Variants in PRKG1 observed in about 807,000 individuals in gnomAD.
The protein encoded by PRKG1 is protein kinase cGMP-dependent 1.
In PRKG1, 35 loss-of-function variants were observed where a neutral mutation model predicts 88.1. The ratio of observed to expected loss-of-function variants is 0.40; its 90% confidence interval spans 0.30 to 0.53. The LOEUF (loss-of-function observed/expected upper bound fraction) is 0.53. Ranked by LOEUF, PRKG1 falls within the 20% of genes least tolerant of loss-of-function variation. PRKG1 has a pLI of 0.59. For missense variants in PRKG1, 540 were observed against 839.8 expected, an observed-to-expected ratio of 0.64 and a Z score of 4.41; for synonymous variants, 303 against 292.5, an observed-to-expected ratio of 1.04 and a Z score of -0.37.
chr10:51,636,260 G>A (rs190210719), intron 3 of PRKG1, among the ~76,000 whole-genome samples: 1 of 152,240 alleles, frequency 6.6e-6, no homozygotes, highest in Non-Finnish European at 1.5e-5. Flanking sequence ...ACCGCCCTAG[G>A]ACTTTGGAAA....
chr10:51,945,223 C>T (rs1317669390), intron 5 of PRKG1, among the ~76,000 whole-genome samples: 1 of 147,586 alleles, frequency 6.8e-6, no homozygotes, highest in Non-Finnish European at 1.5e-5. Flanking sequence ...CCTTCTTTGT[C>T]TGTTTTGATC....
At chr10:52,062,893 C>A in intron 7 of PRKG1, 2 of 691,110 alleles carry the variant, frequency 2.9e-6, no homozygotes, top group Admixed American at 2.3e-5. Context: ...TCCTTAATTG[C>A]AATCTCTATA....
intron 9 of PRKG1, among the ~76,000 whole-genome samples, chr10:52,169,420 G>T (rs756424258): frequency 6.6e-6 from 1 of 151,998 alleles, no homozygotes; most frequent in Admixed American, 6.6e-5. Flanking sequence ...AGCTCTCTGG[G>T]GTCTCTTTTA....
chr10:51,610,464 CAT>C (rs1347950714), intron 3 of PRKG1, among the ~76,000 whole-genome samples: 3 of 152,172 alleles, frequency 2.0e-5, no homozygotes, highest in Admixed American at 6.6e-5. Context: ...TTGCAAATAA[CAT>C]AATTTTAATT....
At chr10:51,250,694 C>T (rs1839404572) in intron 2 of PRKG1, among the ~76,000 whole-genome samples, 1 of 151,804 alleles carries the variant, frequency 6.6e-6, no homozygotes, top group African/African-American at 2.4e-5. Context: ...AAAACTCCAT[C>T]TATGACAAAA....
At chr10:51,309,833 T>C (rs1013794480) in intron 2 of PRKG1, among the ~76,000 whole-genome samples, 2 of 152,162 alleles carry the variant, frequency 1.3e-5, no homozygotes, top group African/African-American at 2.4e-5. Context: ...AGCAAAGATA[T>C]GGAATCAACC....
At chr10:51,030,342 C>T (rs1406018768) in intron 1 of PRKG1, among the ~76,000 whole-genome samples, 2 of 151,952 alleles carry the variant, frequency 1.3e-5, no homozygotes, top group African/African-American at 4.8e-5. Context: ...GTCACGTTTT[C>T]ACTTGCCTGA....
intron 9 of PRKG1, among the ~76,000 whole-genome samples, chr10:52,217,377 C>T (rs1840138897): frequency 6.6e-6 from 1 of 151,510 alleles, no homozygotes; most frequent in Admixed American, 6.6e-5. Context: ...CACATATACA[C>T]ACACACACAC....
intron 1 of PRKG1, among the ~76,000 whole-genome samples, chr10:51,112,584 T>C (rs1004570988): frequency 3.3e-5 from 5 of 152,110 alleles, no homozygotes; most frequent in African/African-American, 1.2e-4. Flanking sequence ...TTTACAAAAC[T>C]ATTGTGACAT....
At chr10:52,277,484 G>A (rs1198924480) in intron 12 of PRKG1, among the ~76,000 whole-genome samples, 1 of 152,158 alleles carries the variant, frequency 6.6e-6, no homozygotes, top group East Asian at 1.9e-4. Flanking sequence ...AGCACAAGTT[G>A]TGTACCAGGC....
intron 3 of PRKG1, among the ~76,000 whole-genome samples, chr10:51,767,173 G>T (rs2132538255): frequency 6.6e-6 from 1 of 152,200 alleles, no homozygotes; most frequent in East Asian, 1.9e-4. Context: ...CCCGTTTTCT[G>T]CTTCCCCATA....
intron 2 of PRKG1, among the ~76,000 whole-genome samples, chr10:51,307,218 C>T (rs1000182884): frequency 1.1e-4 from 17 of 152,028 alleles, no homozygotes; most frequent in Non-Finnish European, 2.2e-4. Context: ...CCCTTTATAC[C>T]TCCTGTTTTC....
At chr10:51,974,395 G>A (rs888816688) in intron 5 of PRKG1, among the ~76,000 whole-genome samples, 3 of 152,162 alleles carry the variant, frequency 2.0e-5, no homozygotes, top group East Asian at 1.9e-4. Flanking sequence ...GCTGAAGAAA[G>A]GATCATCCTG....
At chr10:51,007,030 C>T (rs1033241227) in intron 1 of PRKG1, among the ~76,000 whole-genome samples, 1 of 151,512 alleles carries the variant, frequency 6.6e-6, no homozygotes, top group Non-Finnish European at 1.5e-5. Flanking sequence ...CTTCTGCCAC[C>T]CTGGTTCAAG....
At chr10:51,325,123 A>G (rs1841556420) in intron 2 of PRKG1, among the ~76,000 whole-genome samples, 1 of 152,142 alleles carries the variant, frequency 6.6e-6, no homozygotes, top group South Asian at 2.1e-4. Context: ...TTCCCTAATA[A>G]TTAGTGATTT....
intron 2 of PRKG1, among the ~76,000 whole-genome samples, chr10:51,443,616 C>A (rs1200891170): frequency 6.6e-6 from 1 of 152,008 alleles, no homozygotes; most frequent in African/African-American, 2.4e-5. Context: ...CTTCAGCCCT[C>A]ACTCCTGATC....
chr10:51,949,862 A>G (rs540705904), intron 5 of PRKG1, among the ~76,000 whole-genome samples: 1 of 152,328 alleles, frequency 6.6e-6, no homozygotes, highest in Non-Finnish European at 1.5e-5. Flanking sequence ...ACATGTATAC[A>G]TGCCATAAGC....
intron 2 of PRKG1, among the ~76,000 whole-genome samples, chr10:51,345,095 CA>C (rs1490732328): frequency 2.6e-5 from 4 of 151,564 alleles, no homozygotes; most frequent in Admixed American, 2.6e-4. Flanking sequence ...AACCAGAGAA[CA>C]AAAAAATGGG....
At chr10:51,578,980 G>GTTTTTTGTTTTTTTTTTTTTTTTTT (rs1837958145) in intron 3 of PRKG1, among the ~76,000 whole-genome samples, 1 of 77,828 alleles carries the variant, frequency 1.3e-5, no homozygotes, top group African/African-American at 5.3e-5. Context: ...AGTTCTGTTG[G>GTTTTTTGTTTTTTTTTTTTTTTTTT]TTTTTTTTTT....
Sources: gnomAD v4.1 joint callset for allele counts (sites outside exome capture counted in the v4.1 genomes callset) on GRCh38, gnomAD v4.1.1 for gene constraint, MANE v1.5 for transcripts, NCBI Gene and HGNC (gene_info 2026-07-23, HGNC 2026-07-21) for gene names.